The following MALL variants were observed in gnomAD, a reference collection of about 807,000 sequenced individuals.
The protein encoded by MALL is MAL-like protein.
A neutral mutation model predicts 10.3 loss-of-function variants in MALL; 2 were observed. The ratio of observed to expected loss-of-function variants is 0.19; its 90% CI spans 0.08 to 0.61. The LOEUF is 0.61. Among genes scored for constraint, MALL ranks in the 20% least tolerant of loss-of-function variants. The probability of loss-of-function intolerance (pLI) is 0.88; values close to 1 mark genes in which losing one functional copy is unlikely to be tolerated. For missense variants in MALL, 39 were observed against 115.2 expected (o/e 0.34, Z 3.03); for synonymous variants, 27 against 51.8 (o/e 0.52, Z 2.05).
intron 1 of MALL, among the ~76,000 whole-genome samples, chr2:110,099,655 A>G (rs957568147): frequency 6.6e-6 from 1 of 152,072 alleles, no homozygotes; most frequent in African/African-American, 2.4e-5. Context: ...CCATGCCATT[A>G]GGCTCATCAC....
At chr2:110,106,600 A>G (rs569511173) in intron 1 of MALL, among the ~76,000 whole-genome samples, 16 of 152,288 alleles carry the variant, frequency 1.1e-4, no homozygotes, top group African/African-American at 3.1e-4. Flanking sequence ...AGTTTCATCA[A>G]TCACTAGTGG....
intron 1 of MALL, among the ~76,000 whole-genome samples, chr2:110,105,148 C>T (rs969174327): frequency 4.1e-4 from 63 of 152,308 alleles, no homozygotes; most frequent in African/African-American, 1.5e-3. Flanking sequence ...TGCCCAGGGT[C>T]TCACAGCAAT....
chr2:110,104,708 C>A (rs758942616), intron 1 of MALL, among the ~76,000 whole-genome samples: 1 of 152,190 alleles, frequency 6.6e-6, no homozygotes, highest in Non-Finnish European at 1.5e-5. Flanking sequence ...GGCCTCTGGG[C>A]AGCTGTGGCT....
At chr2:110,097,892 A>G (rs1453628388) in intron 1 of MALL, among the ~76,000 whole-genome samples, 1 of 151,976 alleles carries the variant, frequency 6.6e-6, no homozygotes, top group African/African-American at 2.4e-5. Flanking sequence ...CACTCAGGTG[A>G]CCACAGGCTT....
chr2:110,104,802 G>C (rs1297459326), intron 1 of MALL, among the ~76,000 whole-genome samples: 1 of 152,198 alleles, frequency 6.6e-6, no homozygotes, highest in Non-Finnish European at 1.5e-5. Context: ...TCCTTTAAGA[G>C]AGGCTCATGC....
At chr2:110,111,060 G>A (rs1678792593) in intron 1 of MALL, among the ~76,000 whole-genome samples, 1 of 152,010 alleles carries the variant, frequency 6.6e-6, no homozygotes, top group South Asian at 2.1e-4. Flanking sequence ...GCATACAAGG[G>A]ACATATCTTA....
At chr2:110,107,262 C>G (rs1384450659) in intron 1 of MALL, among the ~76,000 whole-genome samples, 1 of 152,026 alleles carries the variant, frequency 6.6e-6, no homozygotes, top group Non-Finnish European at 1.5e-5. Flanking sequence ...ATGCAGCCAC[C>G]GGGGGAAGCT....
At chr2:110,097,452 G>A (rs1442300020) in intron 1 of MALL, 4 of 456,258 alleles carry the variant, frequency 8.8e-6, no homozygotes, top group Non-Finnish European at 1.8e-5. Context: ...AATTCTGAAT[G>A]GGAAGAGATA....
intron 1 of MALL, among the ~76,000 whole-genome samples, chr2:110,108,940 T>C (rs1678748758): frequency 6.6e-6 from 1 of 152,134 alleles, no homozygotes; most frequent in African/African-American, 2.4e-5. Context: ...CTAGCAAAAC[T>C]AAGCATCATA....
At chr2:110,101,715 A>G (rs893918892) in intron 1 of MALL, among the ~76,000 whole-genome samples, 12 of 152,172 alleles carry the variant, frequency 7.9e-5, no homozygotes, top group African/African-American at 2.9e-4. Context: ...CCGCCCATTC[A>G]GACTGATTGC....
At chr2:110,096,973 G>A (rs532822756) in intron 1 of MALL, among the ~76,000 whole-genome samples, 1 of 152,002 alleles carries the variant, frequency 6.6e-6, no homozygotes, top group South Asian at 2.1e-4. Flanking sequence ...TATAAAAGTT[G>A]TTTATTGCAG....
intron 1 of MALL, chr2:110,097,732 T>C: frequency 3.3e-6 from 1 of 299,722 alleles, no homozygotes. Context: ...GAGGGAGGAG[T>C]GCCAGGGGTG....
chr2:110,090,280 A>T (rs1678342666), intron 2 of MALL, among the ~76,000 whole-genome samples: 1 of 128,192 alleles, frequency 7.8e-6, no homozygotes, highest in Non-Finnish European at 1.6e-5. Context: ...TTAACAATTA[A>T]ATGTGTGCCT....
intron 1 of MALL, among the ~76,000 whole-genome samples, chr2:110,111,176 T>C (rs1408190033): frequency 6.6e-6 from 1 of 151,982 alleles, no homozygotes; most frequent in Non-Finnish European, 1.5e-5. Context: ...GGATGCCCAC[T>C]CTCACCACTC....
upstream of MALL, among the ~76,000 whole-genome samples, chr2:110,117,624 T>A (rs62160544): frequency 0.018 from 2,241 of 122,734 alleles, 32 homozygotes; most frequent in African/African-American, 0.031. Context: ...TGTGTGTGTG[T>A]GAGAGAGAGA....
intron 1 of MALL, among the ~76,000 whole-genome samples, chr2:110,103,733 G>C (rs1188015528): frequency 6.6e-6 from 1 of 152,200 alleles, no homozygotes; most frequent in African/African-American, 2.4e-5. Flanking sequence ...GGGTGGGCTG[G>C]CCTTCTGACA....
At chr2:110,095,871 C>G (rs112477338) in intron 1 of MALL, among the ~76,000 whole-genome samples, 1 of 152,104 alleles carries the variant, frequency 6.6e-6, no homozygotes, top group African/African-American at 2.4e-5. Flanking sequence ...ACTCAGCAGA[C>G]TCCTGCTGCC....
chr2:110,115,672 G>A lies in MALL; in HGVS notation c.105+16C>T, dbSNP rs779743218. 7 of 1,261,244 alleles carry A rather than the reference G, an allele frequency of 5.6e-6. No individual in the cohort carries two copies. Among genetic ancestry groups the A allele is most frequent in the East Asian group, 3.1e-5 (1 of 32,412 alleles). 78.1% of individuals were successfully genotyped at this position (1,261,244 alleles called of 1,614,324 possible). A position where few individuals can be genotyped will look rare whatever the true frequency, so the allele number is the denominator to read the frequency against. On this transcript the variant is annotated intron_variant, in intron 1 of 3. Coordinates refer to ENST00000272462, the MANE Select transcript of MALL (RefSeq NM_005434.5). ...CCCTCTCTGCAGGTGGCCCGGGTCG[G>A]GGGTGCCGCACTCACCAGCTCGGGC...
intron 1 of MALL, among the ~76,000 whole-genome samples, chr2:110,112,979 C>T (rs567095880): frequency 6.6e-5 from 10 of 151,578 alleles, no homozygotes; most frequent in African/African-American, 2.2e-4. Context: ...TGGATGAGCT[C>T]GGAGACTATG....
Sources: allele counts gnomAD v4.1 joint callset (sites outside exome capture counted in the v4.1 genomes callset), GRCh38; gene constraint gnomAD v4.1.1; transcripts MANE v1.5; gene names NCBI Gene and HGNC (gene_info 2026-07-23, HGNC 2026-07-21).